The following PDE10A variants were observed in gnomAD, a reference collection of about 807,000 sequenced individuals.
The protein encoded by PDE10A is phosphodiesterase 10A, also known as cAMP and cAMP-inhibited cGMP 3',5'-cyclic phosphodiesterase 10A.
In PDE10A, 39 loss-of-function variants were observed where a neutral mutation model predicts 97.7. The ratio of observed to expected loss-of-function variants is 0.40; its 90% confidence interval spans 0.31 to 0.52. PDE10A has a LOEUF of 0.52. Among genes scored for constraint, PDE10A ranks in the 20% least tolerant of loss-of-function variants. The pLI, the probability that PDE10A is intolerant of heterozygous loss-of-function variation, is 0.56. For synonymous variants in PDE10A, 371 were observed against 376.8 expected, an observed-to-expected ratio of 0.98 and a Z score of 0.18; for missense variants, 731 against 1,047.8, an observed-to-expected ratio of 0.70 and a Z score of 4.17.
chr6:165,670,102 A>C (rs1790605158), intron 1 of PDE10A, among the ~76,000 whole-genome samples: 1 of 152,218 alleles, frequency 6.6e-6, no homozygotes, highest in South Asian at 2.1e-4. Flanking sequence ...ATCCAGCCAC[A>C]CACCAATGGT....
intron 1 of PDE10A, among the ~76,000 whole-genome samples, chr6:165,614,237 C>T (rs1015134208): frequency 4.6e-5 from 7 of 152,112 alleles, no homozygotes; most frequent in Admixed American, 1.3e-4. Flanking sequence ...CCTTGTAAAC[C>T]GCAAATTTAA....
chr6:165,747,887 A>T (rs765383978), intron 1 of PDE10A, among the ~76,000 whole-genome samples: 9 of 152,174 alleles, frequency 5.9e-5, no homozygotes, highest in Non-Finnish European at 1.0e-4. Flanking sequence ...CTCCATCCCA[A>T]TAAGAACAGA....
At chr6:165,837,613 G>C in intron 1 of PDE10A, among the ~76,000 whole-genome samples, 1 of 150,778 alleles carries the variant, frequency 6.6e-6, no homozygotes, top group East Asian at 1.9e-4. Context: ...TTAACTCAAG[G>C]AGTCCTAAGT....
intron 1 of PDE10A, among the ~76,000 whole-genome samples, chr6:165,555,263 A>C (rs1484314682): frequency 3.3e-5 from 5 of 152,162 alleles, no homozygotes; most frequent in Admixed American, 2.0e-4. Flanking sequence ...CCTGTATCAA[A>C]ATCTCTCACG....
intron 1 of PDE10A, among the ~76,000 whole-genome samples, chr6:165,945,893 T>C (rs1004550168): frequency 8.5e-5 from 13 of 152,194 alleles, no homozygotes; most frequent in Non-Finnish European, 1.5e-4. Flanking sequence ...AGTGGGGAAA[T>C]GTGTGTGATT....
At chr6:165,459,494 T>TAGAC in intron 3 of PDE10A, among the ~76,000 whole-genome samples, 1 of 34,736 alleles carries the variant, frequency 2.9e-5, no homozygotes, top group Non-Finnish European at 5.9e-5. Flanking sequence ...ATGCATTAGA[T>TAGAC]AGATAGATAG....
intron 3 of PDE10A, among the ~76,000 whole-genome samples, chr6:165,465,273 G>C (rs996493630): frequency 6.6e-6 from 1 of 152,210 alleles, no homozygotes; most frequent in Non-Finnish European, 1.5e-5. Flanking sequence ...GGTATAGGTG[G>C]AAAAGCTTGG....
Position 165,418,528 on chromosome 6 carries a change from G to C in PDE10A, c.1796+107C>G. ...GGGTCCTGGTGGGAATGATATCACA[G>C]TATGACAAGTATTGTCAGCATACCT... On this transcript the variant is annotated intron_variant, in intron 11 of 21. Coordinates refer to ENST00000539869, the MANE Select transcript of PDE10A (RefSeq NM_001385079.1). This position sits in a 1 kb window ranked among gnomAD's most constrained non-coding sequence, Gnocchi z 4.8. 2 of 1,008,988 alleles carry C rather than the reference G, an allele frequency of 2.0e-6. No homozygotes were observed. The highest frequency in any genetic ancestry group is 3.0e-6 in the Non-Finnish European group (2 of 673,660). 62.5% of individuals were successfully genotyped at this position (1,008,988 alleles called of 1,614,324 possible).
intron 1 of PDE10A, among the ~76,000 whole-genome samples, chr6:165,966,921 A>G (rs1379774478): frequency 2.6e-5 from 4 of 152,262 alleles, no homozygotes; most frequent in Non-Finnish European, 5.9e-5. Context: ...ACAAAGGAGA[A>G]AGAGGGAAGA....
chr6:165,619,940 C>T (rs569813258), intron 1 of PDE10A, among the ~76,000 whole-genome samples: 113 of 152,164 alleles, frequency 7.4e-4, no homozygotes, highest in Middle Eastern at 3.4e-3. Context: ...TATTTAATGG[C>T]ACCCAGTCAA....
intron 1 of PDE10A, among the ~76,000 whole-genome samples, chr6:165,761,196 A>G (rs1793242438): frequency 6.6e-6 from 1 of 152,056 alleles, no homozygotes; most frequent in African/African-American, 2.4e-5. Context: ...CATTTTTCTA[A>G]CCCTTCAAAG....
intron 1 of PDE10A, among the ~76,000 whole-genome samples, chr6:165,972,963 T>A (rs1335329129): frequency 6.7e-6 from 1 of 148,282 alleles, no homozygotes; most frequent in Non-Finnish European, 1.5e-5. Context: ...CCCTCTCTCC[T>A]TCTCTCTTCT....
At chr6:165,903,067 A>G (rs573062088) in intron 1 of PDE10A, among the ~76,000 whole-genome samples, 1 of 152,308 alleles carries the variant, frequency 6.6e-6, no homozygotes, top group South Asian at 2.1e-4. Flanking sequence ...CATCTCCTAC[A>G]TTTAACTCTT....
intron 10 of PDE10A, among the ~76,000 whole-genome samples, chr6:165,427,420 C>A (rs1017834771): frequency 2.0e-5 from 3 of 151,922 alleles, no homozygotes; most frequent in Non-Finnish European, 4.4e-5. Context: ...AATTGGTAAA[C>A]CCATGGAGAA....
chr6:165,615,750 T>C (rs1282087908), intron 1 of PDE10A, among the ~76,000 whole-genome samples: 2 of 152,202 alleles, frequency 1.3e-5, no homozygotes, highest in African/African-American at 4.8e-5. Flanking sequence ...TCGCATGTCT[T>C]TTCACACTCC....
At chr6:165,972,479 T>C (rs1345078518) in intron 1 of PDE10A, among the ~76,000 whole-genome samples, 1 of 152,208 alleles carries the variant, frequency 6.6e-6, no homozygotes, top group East Asian at 1.9e-4. Context: ...GTGAAACACC[T>C]ACTCTACTTA....
intron 18 of PDE10A, among the ~76,000 whole-genome samples, chr6:165,349,224 G>A (rs1387125405): frequency 6.6e-6 from 1 of 152,136 alleles, no homozygotes; most frequent in East Asian, 1.9e-4. Context: ...AGGAAGAAGT[G>A]GGAAGGTTTG....
intron 1 of PDE10A, among the ~76,000 whole-genome samples, chr6:165,679,380 A>G (rs1224175546): frequency 6.6e-6 from 1 of 152,244 alleles, no homozygotes; most frequent in African/African-American, 2.4e-5. Flanking sequence ...GAAGTTGGAA[A>G]GAACCTTCTT....
At chr6:165,964,291 T>G (rs1784443059) in intron 1 of PDE10A, among the ~76,000 whole-genome samples, 5 of 152,172 alleles carry the variant, frequency 3.3e-5, no homozygotes, top group Admixed American at 3.3e-4. Context: ...TTAGACTCGG[T>G]CAGCCGCCAG....
Sources: gnomAD v4.1 joint callset for allele counts (sites outside exome capture counted in the v4.1 genomes callset) on GRCh38, gnomAD v4.1.1 for gene constraint, Gnocchi (gnomAD v3.1) non-coding constraint, MANE v1.5 for transcripts, NCBI Gene and HGNC (gene_info 2026-07-23, HGNC 2026-07-21) for gene names.